Variants in FAM184A observed in about 807,000 individuals in gnomAD.
FAM184A encodes family with sequence similarity 184 member A.
Under a neutral mutation model 143.8 loss-of-function variants are expected in FAM184A, and 99 were observed. The observed-to-expected ratio is 0.69, with a 90% confidence interval of 0.58 to 0.81. The LOEUF is 0.81. FAM184A is among the 40% of genes least tolerant of loss of function. The pLI, the probability that FAM184A is intolerant of heterozygous loss-of-function variation, is 0.00. For synonymous variants in FAM184A, 427 were observed against 446.4 expected, an observed-to-expected ratio of 0.96 and a Z score of 0.55; for missense variants, 1,217 against 1,310.5, an observed-to-expected ratio of 0.93 and a Z score of 1.10.
At chr6:119,044,628 C>A (rs1786461139) in intron 1 of FAM184A, among the ~76,000 whole-genome samples, 1 of 150,742 alleles carries the variant, frequency 6.6e-6, no homozygotes, top group Admixed American at 6.6e-5. Flanking sequence ...CAATTATAAA[C>A]TATCAATGAA....
At chr6:118,969,998 A>G (rs1258961948) in intron 14 of FAM184A, among the ~76,000 whole-genome samples, 1 of 28,790 alleles carries the variant, frequency 3.5e-5, no homozygotes, top group Non-Finnish European at 7.1e-5. Context: ...TATATAATAT[A>G]TATATATATA....
At chr6:118,961,732 GAAA>G in intron 17 of FAM184A, 26 bp downstream of exon 17, 1 of 1,577,336 alleles carries the variant, frequency 6.3e-7, no homozygotes, top group Non-Finnish European at 8.7e-7. Context: ...AAAAAGAAAA[GAAA>G]AAAACATTGG....
chr6:119,046,253 T>C (rs1243356377), intron 1 of FAM184A, among the ~76,000 whole-genome samples: 1 of 151,002 alleles, frequency 6.6e-6, no homozygotes, highest in East Asian at 1.9e-4. Flanking sequence ...AGACAGAGTC[T>C]AGCTTTGTTG....
intron 9 of FAM184A, 90 bp from the exon 10 acceptor site, chr6:118,980,440 T>C (rs1783986384): frequency 1.2e-5 from 11 of 912,926 alleles, no homozygotes; most frequent in Non-Finnish European, 1.9e-5. Flanking sequence ...TTCAAAGATA[T>C]TAATGATAGT....
rs1407688543 is a variant in FAM184A, at chr6:119,023,840, A to G, written c.1014+119T>C. On this transcript the variant is annotated intron_variant, in intron 2 of 17. Coordinates refer to ENST00000338891, the MANE Select transcript of FAM184A (RefSeq NM_024581.6). Reference sequence around the variant, plus strand: ...GAAAAGTTAAAAAAAAAAAAAAAAAAAAGTCTAAGTGGTGTGAAGCCACTG... The same window carrying G: ...GAAAAGTTAAAAAAAAAAAAAAAAAGAAGTCTAAGTGGTGTGAAGCCACTG... The G allele has an allele frequency of 1.0e-5, 7 of 676,720 alleles. No individual in the cohort carries two copies. The Admixed American group carries it at 2.6e-4, about 25-fold the overall frequency. 41.9% of individuals were successfully genotyped at this position (676,720 alleles called of 1,614,324 possible).
intron 1 of FAM184A, among the ~76,000 whole-genome samples, chr6:119,026,526 T>A (rs1785641057): frequency 6.6e-6 from 1 of 152,058 alleles, no homozygotes; most frequent in African/African-American, 2.4e-5. Context: ...CTTAGCCAAG[T>A]GGACCCCAAA....
At chr6:119,075,438 A>G (rs919869190) in intron 1 of FAM184A, among the ~76,000 whole-genome samples, 4 of 152,148 alleles carry the variant, frequency 2.6e-5, no homozygotes, top group Non-Finnish European at 5.9e-5. Context: ...TATCATCCCT[A>G]TTTTAAAGAT....
At chr6:119,003,833 GTATTT>G (rs1326210515) in intron 7 of FAM184A, among the ~76,000 whole-genome samples, 2 of 152,098 alleles carry the variant, frequency 1.3e-5, no homozygotes, top group Admixed American at 6.6e-5. Flanking sequence ...TGTCTAAACT[GTATTT>G]TATTAAGGCT....
At chr6:119,031,907 C>A (rs959982547) in intron 1 of FAM184A, among the ~76,000 whole-genome samples, 1 of 151,962 alleles carries the variant, frequency 6.6e-6, no homozygotes, top group Admixed American at 6.6e-5. Context: ...AAGTATACAA[C>A]GTTACATACA....
At chr6:119,112,794 T>A (rs542962784) in intron 1 of FAM184A, among the ~76,000 whole-genome samples, 128 of 152,310 alleles carry the variant, frequency 8.4e-4, no homozygotes, top group African/African-American at 2.9e-3. Flanking sequence ...AAAATGAAAT[T>A]GAGAAAGATA....
chr6:119,024,891 G>C (rs1785577112), intron 1 of FAM184A, 78 bp from the exon 2 acceptor site: 1 of 1,313,422 alleles, frequency 7.6e-7, no homozygotes, highest in Non-Finnish European at 1.0e-6. Context: ...TCTTTCATTT[G>C]GATTGATATT....
At chr6:119,000,112 C>T (rs1784700190) in intron 9 of FAM184A, among the ~76,000 whole-genome samples, 1 of 152,028 alleles carries the variant, frequency 6.6e-6, no homozygotes, top group Non-Finnish European at 1.5e-5. Flanking sequence ...CTGTGCATCT[C>T]CCTTAATTTT....
rs1784680184 is a variant in FAM184A, at chr6:118,999,421, GT to G, written c.2088+3477del. Reference sequence around the variant, plus strand: ...TAAACTCCTAAGCTTGGAAGTCAAGGTTTTCCACAATAACCTCTACCCAAAC... The same window carrying G: ...TAAACTCCTAAGCTTGGAAGTCAAGGTTTCCACAATAACCTCTACCCAAAC... On this transcript the variant is annotated intron_variant, in intron 9 of 17. Transcript: ENST00000338891. Among the ~76,000 whole-genome samples, 3 of 152,020 alleles carry G rather than the reference GT, an allele frequency of 2.0e-5. 1 individual carries two copies. The South Asian group carries it at 6.2e-4, about 31-fold the overall frequency.
intron 1 of FAM184A, among the ~76,000 whole-genome samples, chr6:119,125,198 T>TG (rs1789325207): frequency 6.6e-6 from 1 of 152,234 alleles, no homozygotes; most frequent in East Asian, 1.9e-4. Flanking sequence ...TCAAACAGCT[T>TG]TATTAATCAA....
chr6:119,108,761 G>T (rs150017941), intron 1 of FAM184A, among the ~76,000 whole-genome samples: 72 of 152,288 alleles, frequency 4.7e-4, no homozygotes, highest in African/African-American at 1.7e-3. Context: ...CTCAGTACAA[G>T]CTTGGGTACC....
intron 1 of FAM184A, among the ~76,000 whole-genome samples, chr6:119,033,269 A>C (rs72953048): frequency 0.028 from 4,300 of 152,278 alleles, 79 homozygotes; most frequent in Non-Finnish European, 0.04. Context: ...AGGTGATGAA[A>C]TTGCACAAAT....
In FAM184A at chr6:118,960,132, C is replaced by T. The variant is rs766861148; in HGVS notation, c.3394G>A (p.Glu1132Lys). ...PVASPDPQRQ[E>K]WFARYFTF ...AATGTGAAGTACCGGGCAAACCACT[C>T]CTGGCGCTGGGGATCTGGAGAAGCC... Residue 1132 changes from glutamate (E) to lysine (K), a missense_variant, in exon 18 of 18, where the codon GAG becomes AAG. Glu to Lys is a moderately conservative substitution (Grantham distance 56). Transcript: ENST00000338891. The T allele has an allele frequency of 3.1e-6, 5 of 1,613,476 alleles. No homozygotes were observed. The East Asian group carries it at 8.9e-5, about 29-fold the overall frequency.
At chr6:119,005,906 A>G (rs1784902146) in intron 7 of FAM184A, 1 of 536,364 alleles carries the variant, frequency 1.9e-6, no homozygotes, top group Non-Finnish European at 3.4e-6. Context: ...TGAGAGTTCT[A>G]CCTCTTACTA....
intron 7 of FAM184A, 43 bp downstream of exon 7, chr6:119,006,404 T>C: frequency 6.3e-7 from 1 of 1,586,398 alleles, no homozygotes; most frequent in Non-Finnish European, 8.6e-7. Flanking sequence ...AATTCTATTT[T>C]TATTTTGCCG....
Sources: gnomAD v4.1 joint callset for allele counts (sites outside exome capture counted in the v4.1 genomes callset) on GRCh38, gnomAD v4.1.1 for gene constraint, MANE v1.5 for transcripts, NCBI Gene and HGNC (gene_info 2026-07-23, HGNC 2026-07-21) for gene names.